The following MGAM variants were observed in gnomAD, a reference collection of about 807,000 sequenced individuals.
The protein encoded by MGAM is alpha-1,4-glucosidase.
A neutral mutation model predicts 358.8 loss-of-function variants in MGAM; 253 were observed. The ratio of observed to expected loss-of-function variants is 0.71; its 90% CI spans 0.64 to 0.78. MGAM has a LOEUF of 0.78. MGAM is among the 30% of genes least tolerant of loss of function. The pLI, the probability that MGAM is intolerant of heterozygous loss-of-function variation, is 0.00. For missense variants in MGAM, 3,080 were observed against 3,432.6 expected, an observed-to-expected ratio of 0.90 and a Z score of 2.57; for synonymous variants, 1,105 against 1,227.1, an observed-to-expected ratio of 0.90 and a Z score of 2.08.
chr7:142,106,163 T>C lies in MGAM; in HGVS notation c.*272T>C, dbSNP rs1012443261. The stretch of plus-strand genomic sequence containing the variant: ...TGACTGTTCATCATATGACATTTAC[T>C]GAAGATGAACTGGGTCCATGATGAA... On this transcript the variant is annotated 3_prime_UTR_variant, in exon 71 of 71. Transcript: ENST00000475668. 3.8e-6 allele frequency: 1 copy of C among 262,604 alleles called. No individual in the cohort carries two copies. The highest frequency in any genetic ancestry group is 7.5e-6 in the Non-Finnish European group (1 of 132,654). The allele number at this position is 262,604 out of a possible 1,614,324, so 16.3% of individuals were successfully genotyped here. A position where few individuals can be genotyped will look rare whatever the true frequency, so the allele number is the denominator to read the frequency against.
At position 142,066,695 on chromosome 7, in the gene MGAM, C is replaced by T; in HGVS notation, c.4893C>T (p.Val1631=). 2.6e-6 allele frequency: 4 copies of T among 1,555,968 alleles called. No individual in the cohort carries two copies. The highest frequency in any genetic ancestry group is 3.5e-6 in the Non-Finnish European group (4 of 1,132,598). The change falls in exon 41 of 71, where the codon GTC becomes GTT. Residue 1631 remains valine (V), a synonymous_variant. Coordinates refer to ENST00000475668, the MANE Select transcript of MGAM (RefSeq NM_001365693.1). The part of the protein sequence containing the change: ...TLMQKAHTEG[V]TVVRPLLHEF... ...TGCAAAAGGCCCACACGGAGGGCGT[C>T]ACTGTTGTGCGGCCTCTGCTCCATG...
chr7:142,022,816 G>A (rs551439408), intron 7 of MGAM, among the ~76,000 whole-genome samples: 2 of 152,128 alleles, frequency 1.3e-5, no homozygotes, highest in Non-Finnish European at 2.9e-5. Context: ...AGTTGATTGT[G>A]ATCTCCATAT....
At chr7:142,032,030 G>C (rs1421613913) in intron 13 of MGAM, among the ~76,000 whole-genome samples, 1 of 139,780 alleles carries the variant, frequency 7.2e-6, no homozygotes, top group African/African-American at 2.7e-5. Flanking sequence ...CCCAAGTCTA[G>C]CTCTTTTTTT....
intron 66 of MGAM, among the ~76,000 whole-genome samples, chr7:142,098,983 C>A (rs1816202087): frequency 6.6e-6 from 1 of 152,192 alleles, no homozygotes; most frequent in African/African-American, 2.4e-5. Context: ...ACAGCCAAAT[C>A]TGGTTGTTAG....
intron 67 of MGAM, among the ~76,000 whole-genome samples, chr7:142,099,946 T>C (rs568281862): frequency 6.6e-5 from 10 of 152,296 alleles, no homozygotes; most frequent in African/African-American, 2.4e-4. Flanking sequence ...TCTAAGTGGG[T>C]GAGTTGATAG....
chr7:142,003,884 T>C (rs567423835), intron 1 of MGAM, among the ~76,000 whole-genome samples: 103 of 151,632 alleles, frequency 6.8e-4, no homozygotes, highest in African/African-American at 2.4e-3. Context: ...GCAAAGGACA[T>C]GAACAGGTAT....
rs756672690 is a variant in MGAM, at chr7:142,063,555, C to T, written c.4314C>T (p.Asp1438=). Residue 1438 remains aspartate, a synonymous_variant, in exon 36 of 71, where the codon GAC becomes GAT. Coordinates refer to ENST00000475668, the MANE Select transcript of MGAM (RefSeq NM_001365693.1). ...VNGAVSPGCR[D]ASLNHPPYMP... Reference sequence around the variant, plus strand: ...GGGCAGTTTCTCCAGGCTGCAGGGACGCCTCTCTGAACCACCCTCCCTACA... The same window carrying T: ...GGGCAGTTTCTCCAGGCTGCAGGGATGCCTCTCTGAACCACCCTCCCTACA... 91 of 1,613,626 alleles carry T rather than the reference C, an allele frequency of 5.6e-5. No homozygotes were observed. Among genetic ancestry groups the T allele is most frequent in the Middle Eastern group, 3.3e-4 (2 of 6,080 alleles).
At chr7:142,099,325 C>T (rs1240089468) in intron 66 of MGAM, among the ~76,000 whole-genome samples, 1 of 152,174 alleles carries the variant, frequency 6.6e-6, no homozygotes. Flanking sequence ...AGCATGGTCC[C>T]TTAGGTTCTG....
rs2129055132 is a variant in MGAM at position 142,085,825 on chromosome 7, T to A, written c.6508-8T>A. On this transcript the variant is annotated splice_region_variant and splice_polypyrimidine_tract_variant and intron_variant, in intron 54 of 70. Coordinates refer to ENST00000475668, the MANE Select transcript of MGAM (RefSeq NM_001365693.1). ...AGCAGCCTCTCAGCTCCCCATGTCC[T>A]CCCGCAGGACGTGCAGTACTCAGAC... is the stretch of plus-strand genomic sequence containing the variant. 3.8e-6 allele frequency: 6 copies of A among 1,563,066 alleles called. No homozygotes were observed. Among genetic ancestry groups the A allele is most frequent in the Middle Eastern group, 1.7e-4 (1 of 5,962 alleles).
chr7:141,987,873 C>G (rs917194025), intron 2 of MGAM, among the ~76,000 whole-genome samples: 1 of 152,222 alleles, frequency 6.6e-6, no homozygotes, highest in African/African-American at 2.4e-5. Context: ...AACCCCACCA[C>G]TATATGAGTG....
chr7:142,056,812 A>AT lies in MGAM; in HGVS notation c.3581-13dup. ...ATGGAAGGTGTCCGTGAGGCTTGGC[A>AT]TTTTTCTTTATTTTCAGATGTGACG... On this transcript the variant is annotated splice_polypyrimidine_tract_variant and intron_variant, in intron 29 of 70. Coordinates refer to ENST00000475668, the MANE Select transcript of MGAM (RefSeq NM_001365693.1). 2 of 1,612,490 alleles carry AT rather than the reference A, an allele frequency of 1.2e-6. No individual in the cohort carries two copies. The highest frequency in any genetic ancestry group is 1.7e-6 in the Non-Finnish European group (2 of 1,179,388).
In MGAM at chr7:142,045,661, A is replaced by ATG. The variant is rs1293474282; in HGVS notation, c.2499-2123_2499-2122insGT. Among the ~76,000 whole-genome samples the ATG allele has an allele frequency of 3.3e-4, 35 of 105,736 alleles. 1 individual carries two copies. The highest frequency in any genetic ancestry group is 1.3e-3 in the African/African-American group (35 of 27,118). 69.4% of individuals were successfully genotyped at this position (105,736 alleles called of 152,430 possible). ...ATATAATATATATTATATACATACA[A>ATG]TATATGAATATATAATATATATTAT... On this transcript the variant is annotated intron_variant, in intron 21 of 70. Transcript: ENST00000475668.
At chr7:142,099,851 C>T (rs1816292026) in intron 67 of MGAM, 114 bp downstream of exon 67, 5 of 1,419,574 alleles carry the variant, frequency 3.5e-6, no homozygotes, top group Non-Finnish European at 4.7e-6. Flanking sequence ...CTACTCAACA[C>T]TTGTTTTTTC....
rs782606103 is a variant in MGAM, at chr7:142,022,376, G to T, written c.819G>T (p.Gln273His). The T allele has an allele frequency of 6.2e-7, 1 of 1,613,730 alleles. No individual in the cohort carries two copies. The highest frequency in any genetic ancestry group is 8.5e-7 in the Non-Finnish European group (1 of 1,179,710). Residue 273 changes from glutamine to histidine, a missense_variant, in exon 7 of 71, where the codon CAG (glutamine) becomes CAT (histidine). Gln to His is a conservative substitution (Grantham distance 24, BLOSUM62 0). Coordinates refer to ENST00000475668, the MANE Select transcript of MGAM (RefSeq NM_001365693.1). The stretch of plus-strand genomic sequence containing the variant: ...GCCTGGGAGAGCATGTGCACCAGCA[G>T]TATCGGCATGATATGAATTGGAAGA... ...VYGLGEHVHQ[Q>H]YRHDMNWKTW...
intron 2 of MGAM, among the ~76,000 whole-genome samples, chr7:141,987,049 G>A (rs1320617579): frequency 1.3e-5 from 2 of 152,178 alleles, no homozygotes; most frequent in East Asian, 3.9e-4. Flanking sequence ...ACTGGACAAT[G>A]GAGACGAAAC....
chr7:142,015,003 T>C (rs782449963), intron 3 of MGAM, among the ~76,000 whole-genome samples: 8 of 152,146 alleles, frequency 5.3e-5, no homozygotes. Context: ...CATTATCAAA[T>C]TGATCTCCAA....
intron 30 of MGAM, 22 bp from the exon 31 acceptor site, chr7:142,058,181 A>G (rs1475914846): frequency 1.9e-6 from 3 of 1,613,534 alleles, no homozygotes; most frequent in Non-Finnish European, 2.5e-6. Context: ...CTGAAGACTA[A>G]TATTTTCTGT....
Position 142,013,545 on chromosome 7 carries a change from A to G in MGAM, c.327+4840A>G, listed in dbSNP as rs139559922. On this transcript the variant is annotated intron_variant, in intron 3 of 70. Transcript: ENST00000475668. ...GCGCCTGTAATCTTATCAGTAAATT[A>G]TTTTCACCCCATATTGTGGAAAGAC... is the stretch of plus-strand genomic sequence containing the variant. Among the ~76,000 whole-genome samples the G allele has an allele frequency of 5.9e-3, 900 of 152,054 alleles. 16 individuals are homozygous for G. The highest frequency in any genetic ancestry group is 0.021 in the African/African-American group (861 of 41,464).
intron 2 of MGAM, among the ~76,000 whole-genome samples, chr7:141,988,231 T>C (rs782763180): frequency 5.9e-5 from 9 of 152,030 alleles, no homozygotes; most frequent in Non-Finnish European, 1.3e-4. Flanking sequence ...GAGGTTGCAG[T>C]GAGCCGAGAT....
Sources: gnomAD v4.1 joint callset for allele counts (sites outside exome capture counted in the v4.1 genomes callset) on GRCh38, gnomAD v4.1.1 for gene constraint, MANE v1.5 for transcripts, NCBI Gene and HGNC (gene_info 2026-07-23, HGNC 2026-07-21) for gene names.